The following KLHL26 variants were observed in gnomAD, a reference collection of about 807,000 sequenced individuals.
KLHL26 encodes kelch like family member 26.
In KLHL26, 4 loss-of-function variants were observed where a neutral mutation model predicts 7.1. The observed-to-expected ratio is 0.56, with a 90% CI of 0.28 to 1.28. The LOEUF is 1.28. KLHL26 is among the 50% of genes most tolerant of loss of function. The pLI is 0.11. For synonymous variants in KLHL26, 465 were observed against 414.1 expected, an observed-to-expected ratio of 1.12 and a Z score of -1.49; for missense variants, 896 against 924.6, an observed-to-expected ratio of 0.97 and a Z score of 0.40.
At chr19:18,645,259 C>T (rs568469552) in intron 1 of KLHL26, among the ~76,000 whole-genome samples, 4 of 152,296 alleles carry the variant, frequency 2.6e-5, no homozygotes, top group East Asian at 1.9e-4. Context: ...CTTGGGGTGT[C>T]GCAAGGGGAG....
In KLHL26 at chr19:18,637,973, A is replaced by G. The variant is rs573212513; in HGVS notation, c.83+836A>G. Among the ~76,000 whole-genome samples, 5 of 152,300 alleles carry G rather than the reference A, an allele frequency of 3.3e-5. No individual in the cohort carries two copies. The East Asian group carries it at 7.7e-4, about 24-fold the overall frequency. On this transcript the variant is annotated intron_variant, in intron 1 of 2. Coordinates refer to ENST00000300976, the MANE Select transcript of KLHL26 (RefSeq NM_018316.3). ...GTCCAGGTTTGCATGACAATTAGTT[A>G]TCATCAATAACTAATGATATGTGTG...
intron 1 of KLHL26, among the ~76,000 whole-genome samples, chr19:18,643,315 C>T (rs1349155737): frequency 1.3e-5 from 2 of 150,974 alleles, no homozygotes; most frequent in African/African-American, 2.4e-5. Flanking sequence ...ATTGGTGGCA[C>T]GTGCCTGTAA....
In KLHL26 at chr19:18,671,103, T is replaced by G. The variant is rs1473115; in HGVS notation, c.*1858T>G. 6.6e-6 allele frequency: 1 copy of G among 151,916 alleles called. No homozygotes were observed. The highest frequency in any genetic ancestry group is 1.5e-5 in the Non-Finnish European group (1 of 67,982). The allele number at this position is 151,916 out of a possible 1,614,324, so 9.4% of individuals were successfully genotyped here. On this transcript the variant is annotated 3_prime_UTR_variant, in exon 3 of 3. Coordinates refer to ENST00000300976, the MANE Select transcript of KLHL26 (RefSeq NM_018316.3). ...TGGGCTGCCCAGAGCAGGCCACTTATCAGTTGCAGGTTAGCAGAGAAAGCC... is the reference window on the plus strand; with the variant it reads ...TGGGCTGCCCAGAGCAGGCCACTTAGCAGTTGCAGGTTAGCAGAGAAAGCC...
At chr19:18,664,499 G>A in intron 2 of KLHL26, 56 bp downstream of exon 2, 1 of 1,405,794 alleles carries the variant, frequency 7.1e-7, no homozygotes. Context: ...GACAGGGACA[G>A]GGCAGATGGC....
At chr19:18,653,897 C>T (rs1342308557) in intron 1 of KLHL26, among the ~76,000 whole-genome samples, 3 of 83,698 alleles carry the variant, frequency 3.6e-5, no homozygotes, top group Admixed American at 1.3e-4. Context: ...TCCATCAGTC[C>T]ACCCTTCCAT....
At position 18,665,387 on chromosome 19, in the gene KLHL26, C is replaced by G. The variant is rs2052437859; in HGVS notation, c.266+944C>G. Reference sequence around the variant, plus strand: ...GTCTTTACTTGACGCCTGCTGTATGCCAGGCACTATTCTAGTCCTTGGGAT... The same window carrying G: ...GTCTTTACTTGACGCCTGCTGTATGGCAGGCACTATTCTAGTCCTTGGGAT... On this transcript the variant is annotated intron_variant, in intron 2 of 2. Transcript: ENST00000300976. 3.3e-5 allele frequency among the ~76,000 whole-genome samples: 5 copies of G among 152,358 alleles called. No individual in the cohort carries two copies. The South Asian group carries it at 1.0e-3, about 32-fold the overall frequency.
In KLHL26 at chr19:18,671,237, T is replaced by C. The variant is rs73923143; in HGVS notation, c.*1992T>C. The C allele has an allele frequency of 0.092, 14,013 of 152,220 alleles. 740 individuals carry two copies. The highest frequency in any genetic ancestry group is 0.17 in the Middle Eastern group (49 of 296). The allele number at this position is 152,220 out of a possible 1,614,324, so 9.4% of individuals were successfully genotyped here. A position where few individuals can be genotyped will look rare whatever the true frequency, so the allele number is the denominator to read the frequency against. ...GCCTGGCGCTCCTGTGTGGCAGCCA[T>C]CGGGGCTGGGGTAACACTAGAGGCT... is the stretch of plus-strand genomic sequence containing the variant. On this transcript the variant is annotated 3_prime_UTR_variant, in exon 3 of 3. Transcript: ENST00000300976.
intron 1 of KLHL26, among the ~76,000 whole-genome samples, chr19:18,654,083 C>G (rs1475880489): frequency 6.9e-6 from 1 of 144,268 alleles, no homozygotes; most frequent in Non-Finnish European, 1.5e-5. Flanking sequence ...ATCCACCCAC[C>G]CTTTCATCAG....
At chr19:18,666,066 A>G (rs2052445117) in intron 2 of KLHL26, among the ~76,000 whole-genome samples, 1 of 152,252 alleles carries the variant, frequency 6.6e-6, no homozygotes, top group Non-Finnish European at 1.5e-5. Context: ...AGACCTTAAA[A>G]GGCAAAGCTC....
At chr19:18,653,358 C>G (rs1160728306) in intron 1 of KLHL26, among the ~76,000 whole-genome samples, 1 of 148,318 alleles carries the variant, frequency 6.7e-6, no homozygotes, top group Non-Finnish European at 1.5e-5. Flanking sequence ...CTCCACCTGT[C>G]CATCCACCCC....
intron 1 of KLHL26, among the ~76,000 whole-genome samples, chr19:18,658,693 C>G (rs2052360523): frequency 6.7e-6 from 1 of 149,670 alleles, no homozygotes; most frequent in African/African-American, 2.5e-5. Flanking sequence ...CTTGCTGGGT[C>G]TCTCTTTCCC....
At chr19:18,637,208 G>T (rs1162933157) in intron 1 of KLHL26, 71 bp downstream of exon 1, 2 of 1,247,710 alleles carry the variant, frequency 1.6e-6, no homozygotes, top group Non-Finnish European at 2.0e-6. Flanking sequence ...AGTCTTGGGC[G>T]TCCTGAGGGG....
intron 1 of KLHL26, among the ~76,000 whole-genome samples, chr19:18,642,760 T>C (rs190749882): frequency 6.6e-6 from 1 of 150,974 alleles, no homozygotes; most frequent in Admixed American, 6.6e-5. Context: ...GCAGCCTTCT[T>C]GACCTCCTGG....
chr19:18,646,781 G>T lies in KLHL26; in HGVS notation c.83+9644G>T, dbSNP rs1457903048. ...CAGCAAGCCTTGATGTGGCGTGCGT[G>T]TGTCAGGCAGGGAAAGGAGAGGGTG... On this transcript the variant is annotated intron_variant, in intron 1 of 2. Coordinates refer to ENST00000300976, the MANE Select transcript of KLHL26 (RefSeq NM_018316.3). The surrounding 1 kb of genome is among the most constrained non-coding windows in gnomAD (Gnocchi z 5.0). Among the ~76,000 whole-genome samples the T allele has an allele frequency of 6.6e-6, 1 of 152,256 alleles. No individual in the cohort carries two copies. The highest frequency in any genetic ancestry group is 1.5e-5 in the Non-Finnish European group (1 of 68,042).
At position 18,668,066 on chromosome 19, in the gene KLHL26, G is replaced by C; in HGVS notation, c.669G>C (p.Glu223Asp). 1 of 1,607,150 alleles carries C rather than the reference G, an allele frequency of 6.2e-7. No individual in the cohort carries two copies. Among genetic ancestry groups the C allele is most frequent in the Non-Finnish European group, 8.5e-7 (1 of 1,179,918 alleles). Residue 223 changes from glutamate to aspartate, a missense_variant, in exon 3 of 3, where the codon GAG (glutamate) becomes GAC (aspartate). Glu to Asp is a conservative substitution (Grantham distance 45, BLOSUM62 2). Transcript: ENST00000300976. ...LQSNRLQSCA[E>D]IDLFRAAVRW... The stretch of plus-strand genomic sequence containing the variant: ...GCAACCGGCTGCAGAGCTGTGCCGA[G>C]ATCGACCTGTTCCGCGCGGCCGTCC...
At chr19:18,659,374 G>T (rs560002261) in intron 1 of KLHL26, among the ~76,000 whole-genome samples, 2 of 152,360 alleles carry the variant, frequency 1.3e-5, no homozygotes, top group South Asian at 4.1e-4. Flanking sequence ...CTGAGACCCT[G>T]GGGCGGCATC....
At chr19:18,652,889 C>T (rs941523335) in intron 1 of KLHL26, among the ~76,000 whole-genome samples, 4 of 152,168 alleles carry the variant, frequency 2.6e-5, no homozygotes, top group African/African-American at 9.7e-5. Flanking sequence ...AAAAGGGGCA[C>T]GGCTATCATC....
chr19:18,664,349 G>T lies in KLHL26; in HGVS notation c.172G>T (p.Ala58Ser). 1 of 1,609,692 alleles carries T rather than the reference G, an allele frequency of 6.2e-7. No individual in the cohort carries two copies. The stretch of plus-strand genomic sequence containing the variant: ...CCTGCAGGGCCTGGCCACCCTCCGC[G>T]CTCAGGGCCAGCTCCTCGATGTTGT... Reference protein sequence around the residue: ...SLLQGLATLRAQGQLLDVVLT... With the variant: ...SLLQGLATLRSQGQLLDVVLT... Residue 58 changes from alanine to serine, a missense_variant, in exon 2 of 3, where the codon GCT (alanine) becomes TCT (serine). Transcript: ENST00000300976.
intron 1 of KLHL26, among the ~76,000 whole-genome samples, chr19:18,663,786 AG>A (rs1343173267): frequency 7.5e-5 from 1 of 13,326 alleles, no homozygotes; most frequent in East Asian, 1.7e-3. Context: ...AGAGGGGATG[AG>A]GGGGCAGTAG....
Sources: allele counts gnomAD v4.1 joint callset (sites outside exome capture counted in the v4.1 genomes callset), GRCh38; gene constraint gnomAD v4.1.1; non-coding constraint Gnocchi (gnomAD v3.1); transcripts MANE v1.5; gene names NCBI Gene and HGNC (gene_info 2026-07-23, HGNC 2026-07-21).